Variants in NDUFAF7 observed in about 807,000 individuals in gnomAD.
NDUFAF7 encodes the protein protein arginine methyltransferase NDUFAF7, mitochondrial.
A neutral mutation model predicts 47.2 loss-of-function variants in NDUFAF7; 48 were observed. The observed-to-expected ratio is 1.02, with a 90% CI of 0.81 to 1.29. NDUFAF7 has a LOEUF of 1.29. Among genes scored for constraint, NDUFAF7 ranks in the 50% most tolerant of loss-of-function variants. The pLI is 0.00. For synonymous variants in NDUFAF7, 217 were observed against 190.0 expected, an observed-to-expected ratio of 1.14 and a Z score of -1.17; for missense variants, 635 against 537.6, an observed-to-expected ratio of 1.18 and a Z score of -1.79.
At chr2:37,242,540 A>G in intron 5 of NDUFAF7, 95 bp from the exon 6 acceptor site, 2 of 925,112 alleles carry the variant, frequency 2.2e-6, no homozygotes, top group African/African-American at 3.3e-5. Flanking sequence ...AGTGATGATT[A>G]TGGAGGAAGT....
Position 37,246,872 on chromosome 2 carries a change from A to AT in NDUFAF7, c.937-575dup, listed in dbSNP as rs112671242. On this transcript the variant is annotated intron_variant, in intron 8 of 9. Transcript: ENST00000002125. ...AGGGTCAGTAATATATTCTCAGGTG[A>AT]TTTTTTTTTAAGTAATTTCAACTTT... Among the ~76,000 whole-genome samples, 503 of 151,552 alleles carry AT rather than the reference A, an allele frequency of 3.3e-3. 2 individuals carry two copies. Among genetic ancestry groups the AT allele is most frequent in the South Asian group, 0.014 (68 of 4,782 alleles).
chr2:37,254,454 T>G (rs757354977), downstream of NDUFAF7, among the ~76,000 whole-genome samples: 8 of 152,316 alleles, frequency 5.3e-5, no homozygotes, highest in Non-Finnish European at 8.8e-5. Context: ...TCATAAATGT[T>G]TACTGATTTA....
Position 37,231,824 on chromosome 2 carries a change from C to T in NDUFAF7, c.55+64C>T, listed in dbSNP as rs961512583. 3.1e-6 allele frequency: 5 copies of T among 1,608,734 alleles called. No homozygotes were observed. In the African/African-American group the frequency reaches 5.4e-5, roughly 17 times the overall value. On this transcript the variant is annotated intron_variant, in intron 1 of 9. Coordinates refer to ENST00000002125, the MANE Select transcript of NDUFAF7 (RefSeq NM_144736.5). ...GCCGCGTGGGGCGCCTTCCTCAGCT[C>T]TTCAGTTGAGGGTACCGGGGGATCA... is the stretch of plus-strand genomic sequence containing the variant.
chr2:37,254,095 A>C (rs1667742735), downstream of NDUFAF7: 1 of 782,712 alleles, frequency 1.3e-6, no homozygotes, highest in African/African-American at 1.7e-5. Flanking sequence ...TAATCACTTA[A>C]GAGCACTTTT....
Position 37,231,737 on chromosome 2 carries a change from C to T in NDUFAF7, c.32C>T (p.Pro11Leu), listed in dbSNP as rs758365105. ...GTACTGCTGAGGTCAGGTTTGGGGC[C>T]GTTGTGTGCCGTGGCGCGCGCAGGT... MSVLLRSGLG[P>L]LCAVARAAIP... Residue 11 changes from proline to leucine, a missense_variant, in exon 1 of 10, where the codon CCG becomes CTG. Physicochemically the swap from Pro to Leu is moderately conservative, Grantham distance 98. Transcript: ENST00000002125. 7 of 1,614,070 alleles carry T rather than the reference C, an allele frequency of 4.3e-6. No homozygotes were observed. The highest frequency in any genetic ancestry group is 2.2e-5 in the East Asian group (1 of 44,894).
intron 2 of NDUFAF7, among the ~76,000 whole-genome samples, chr2:37,235,735 A>T (rs1665686211): frequency 6.6e-6 from 1 of 151,928 alleles, no homozygotes; most frequent in Admixed American, 6.6e-5. Flanking sequence ...GCTTACTGCA[A>T]GCTCTGCCTC....
intron 2 of NDUFAF7, 101 bp downstream of exon 2, chr2:37,232,367 G>T (rs1371237522): frequency 6.8e-7 from 1 of 1,473,332 alleles, no homozygotes; most frequent in Non-Finnish European, 9.5e-7. Context: ...GGCAGTGGGG[G>T]TGCCTGCCAG....
chr2:37,243,810 A>G lies in NDUFAF7; in HGVS notation c.682-53A>G, dbSNP rs1466986030. The G allele has an allele frequency of 8.3e-6, 11 of 1,321,028 alleles. No homozygotes were observed. In the South Asian group the frequency reaches 8.4e-5, roughly 10 times the overall value. The allele number at this position is 1,321,028 out of a possible 1,614,324, so 81.8% of individuals were successfully genotyped here. A position where few individuals can be genotyped will look rare whatever the true frequency, so the allele number is the denominator to read the frequency against. On this transcript the variant is annotated intron_variant, in intron 6 of 9. Transcript: ENST00000002125. ...GAAAAAGCTATTTTTGGTAGAAGCA[A>G]TGTAGAGAACAAACTTGCAAAAATT...
At chr2:37,260,870 A>T in the NDUFAF7 span, among the ~76,000 whole-genome samples, 4 of 152,186 alleles carry the variant, frequency 2.6e-5, no homozygotes, top group Non-Finnish European at 5.9e-5. Context: ...TTTTAGGCTC[A>T]ACATCTCTAC....
the NDUFAF7 span, chr2:37,259,498 C>T: frequency 1.0e-5 from 10 of 987,502 alleles, no homozygotes; most frequent in Non-Finnish European, 1.5e-5. Flanking sequence ...TTTTAACCAA[C>T]AGTACTTAGT....
chr2:37,263,945 C>T, the NDUFAF7 span, among the ~76,000 whole-genome samples: 1 of 152,152 alleles, frequency 6.6e-6, no homozygotes. Flanking sequence ...AATGTTCAAA[C>T]CAGAAATTTC....
chr2:37,241,733 T>C lies in NDUFAF7; in HGVS notation c.564T>C (p.Gly188=). ...CTGGATCCCCAGTGTATATGAAAGG[T>C]GTCACTAAGTCTGGGATTCCAATTT... The part of the protein sequence containing the change: ...RNAGSPVYMK[G]VTKSGIPISW... Residue 188 remains glycine, a synonymous_variant, in exon 5 of 10, where the codon GGT becomes GGC. Transcript: ENST00000002125. The C allele has an allele frequency of 6.2e-7, 1 of 1,613,918 alleles. No individual in the cohort carries two copies. The highest frequency in any genetic ancestry group is 8.5e-7 in the Non-Finnish European group (1 of 1,179,962).
chr2:37,246,182 CAG>C lies in NDUFAF7; in HGVS notation c.925_926del (p.Asp309TyrfsTer12), dbSNP rs1219589510. On this transcript the variant is annotated frameshift_variant, in exon 8 of 10. Transcript: ENST00000002125. LOFTEE classifies it high-confidence loss of function. ...GATTATGGTCATGATGGAACAAAGA[CAG>C]ATACCTTCAGAGTATGTATAATTCA... The C allele has an allele frequency of 6.2e-7, 1 of 1,613,782 alleles. No homozygotes were observed. The highest frequency in any genetic ancestry group is 1.7e-5 in the Admixed American group (1 of 60,002).
the NDUFAF7 span, among the ~76,000 whole-genome samples, chr2:37,266,669 G>A: frequency 2.0e-4 from 31 of 152,136 alleles, no homozygotes; most frequent in African/African-American, 7.5e-4. Flanking sequence ...TTTGTATTTA[G>A]TAGAGATGGG....
the NDUFAF7 span, among the ~76,000 whole-genome samples, chr2:37,270,166 G>T: frequency 6.6e-6 from 1 of 152,012 alleles, no homozygotes; most frequent in Non-Finnish European, 1.5e-5. Context: ...GGCAGAGGTT[G>T]TGGTGAGCCA....
At chr2:37,237,630 A>G in intron 3 of NDUFAF7, 127 bp from the exon 4 acceptor site, 1 of 700,608 alleles carries the variant, frequency 1.4e-6, no homozygotes, top group Non-Finnish European at 2.5e-6. Flanking sequence ...GTATTGAACA[A>G]CATACATATG....
chr2:37,265,637 A>T, the NDUFAF7 span, among the ~76,000 whole-genome samples: 1 of 152,188 alleles, frequency 6.6e-6, no homozygotes, highest in African/African-American at 2.4e-5. Context: ...ACTTAAGTAT[A>T]AATGCTGACA....
At chr2:37,247,299 A>G in intron 8 of NDUFAF7, 157 bp from the exon 9 acceptor site, 2 of 839,162 alleles carry the variant, frequency 2.4e-6, no homozygotes, top group Non-Finnish European at 3.8e-6. Context: ...TATACTTTGT[A>G]AAACACTGCC....
rs192515639 is a variant in NDUFAF7 at position 37,246,535 on chromosome 2, T to G, written c.936+340T>G. 3.3e-5 allele frequency among the ~76,000 whole-genome samples: 5 copies of G among 152,346 alleles called. No individual in the cohort carries two copies. The East Asian group carries it at 9.6e-4, about 29-fold the overall frequency. On this transcript the variant is annotated intron_variant, in intron 8 of 9. Coordinates refer to ENST00000002125, the MANE Select transcript of NDUFAF7 (RefSeq NM_144736.5). Reference sequence around the variant, plus strand: ...TAACCCCCTTCATTCAAGAAAAATTTTGGTACTTCTTTACAGATTTAAACT... The same window carrying G: ...TAACCCCCTTCATTCAAGAAAAATTGTGGTACTTCTTTACAGATTTAAACT...
Sources: allele counts gnomAD v4.1 joint callset (sites outside exome capture counted in the v4.1 genomes callset), GRCh38; gene constraint gnomAD v4.1.1; transcripts MANE v1.5; gene names NCBI Gene and HGNC (gene_info 2026-07-23, HGNC 2026-07-21).